SNTG2: variants seen among roughly 807,000 people sequenced by gnomAD.
SNTG2 encodes gamma-2-syntrophin.
A neutral mutation model predicts 70.9 loss-of-function variants in SNTG2; 74 were observed. That is an observed-to-expected ratio of 1.04 (90% CI 0.86 to 1.27). The LOEUF (loss-of-function observed/expected upper bound fraction) is 1.27, where lower values mean the gene tolerates loss of function less well. Among genes scored for constraint, SNTG2 ranks in the 50% most tolerant of loss-of-function variants. The pLI, the probability that SNTG2 is intolerant of heterozygous loss-of-function variation, is 0.00. For synonymous variants in SNTG2, 278 were observed against 273.8 expected, an observed-to-expected ratio of 1.02 and a Z score of -0.15; for missense variants, 717 against 690.7, an observed-to-expected ratio of 1.04 and a Z score of -0.43.
At chr2:1,220,755 G>A (rs974636030) in intron 9 of SNTG2, among the ~76,000 whole-genome samples, 3 of 152,226 alleles carry the variant, frequency 2.0e-5, no homozygotes, top group South Asian at 2.1e-4. Flanking sequence ...CAGGGGCCAC[G>A]TGTTTAAGAT....
intron 14 of SNTG2, among the ~76,000 whole-genome samples, chr2:1,290,672 C>T (rs553784141): frequency 2.0e-5 from 3 of 152,126 alleles, no homozygotes; most frequent in African/African-American, 7.2e-5. Flanking sequence ...CACAAGACAG[C>T]ACTAGGAGGA....
At position 1,221,473 on chromosome 2, in the gene SNTG2, GTCTCTCTCTC is replaced by G. The variant is rs1332003324; in HGVS notation, c.719+12249_719+12258del. Among the ~76,000 whole-genome samples the G allele has an allele frequency of 1.8e-3, 16 of 8,652 alleles. 4 individuals carry two copies. The highest frequency in any genetic ancestry group is 6.5e-3 in the South Asian group (1 of 154). The allele number at this position is 8,652 out of a possible 152,430, so 5.7% of individuals were successfully genotyped here. A position where few individuals can be genotyped will look rare whatever the true frequency, so the allele number is the denominator to read the frequency against. ...TGTCTCTCTCTGTCTCTGTCTCTCT[GTCTCTCTCTC>G]TCTCTGTCTCTCTCTGTCTCTCTCT... On this transcript the variant is annotated intron_variant, in intron 9 of 16. Transcript: ENST00000308624.
intron 4 of SNTG2, among the ~76,000 whole-genome samples, chr2:1,115,620 T>C (rs944627696): frequency 6.6e-6 from 1 of 151,784 alleles, no homozygotes; most frequent in Non-Finnish European, 1.5e-5. Flanking sequence ...GAATCGTATG[T>C]ACTAAGTGAG....
At chr2:1,031,528 A>ATATATATATATATTTTTTTT in intron 1 of SNTG2, among the ~76,000 whole-genome samples, 4 of 59,116 alleles carry the variant, frequency 6.8e-5, no homozygotes, top group African/African-American at 2.5e-4. Flanking sequence ...ATATATATAT[A>ATATATATATATATTTTTTTT]TTTTTTTTTT....
chr2:1,235,154 G>A (rs1429113476), intron 9 of SNTG2, among the ~76,000 whole-genome samples: 4 of 134,566 alleles, frequency 3.0e-5, no homozygotes, highest in South Asian at 2.6e-4. Flanking sequence ...AGGCACCCCC[G>A]ATTCATGAGA....
chr2:1,361,714 G>A (rs202233915), intron 16 of SNTG2, among the ~76,000 whole-genome samples: 69 of 27,282 alleles, frequency 2.5e-3, no homozygotes, highest in South Asian at 0.016. Flanking sequence ...CTTCTGTGAA[G>A]GTCACCGATG....
At chr2:1,320,794 A>G (rs1190266646) in intron 16 of SNTG2, among the ~76,000 whole-genome samples, 1 of 152,190 alleles carries the variant, frequency 6.6e-6, no homozygotes, top group African/African-American at 2.4e-5. Flanking sequence ...GTCAGATTAT[A>G]GAGACATAGC....
chr2:1,044,719 C>T (rs1305115965), intron 1 of SNTG2, among the ~76,000 whole-genome samples: 3 of 152,158 alleles, frequency 2.0e-5, no homozygotes, highest in Admixed American at 2.0e-4. Context: ...TTGAACCAAC[C>T]TTGCATCCCA....
intron 1 of SNTG2, among the ~76,000 whole-genome samples, chr2:1,057,128 G>A (rs910229753): frequency 4.6e-5 from 7 of 152,046 alleles, no homozygotes; most frequent in Non-Finnish European, 8.8e-5. Flanking sequence ...GCAAGCAGCT[G>A]GCCTATTTCT....
chr2:1,305,249 T>TA (rs1349495760), intron 14 of SNTG2, among the ~76,000 whole-genome samples: 1 of 152,224 alleles, frequency 6.6e-6, no homozygotes, highest in Non-Finnish European at 1.5e-5. Context: ...CTCAACATCT[T>TA]AGAGAATTCC....
intron 1 of SNTG2, among the ~76,000 whole-genome samples, chr2:973,540 A>T (rs537498107): frequency 8.7e-4 from 117 of 133,872 alleles, no homozygotes; most frequent in East Asian, 2.0e-3. Context: ...ATATATATAT[A>T]TTTTTTTTTA....
At chr2:979,318 G>T (rs553797982) in intron 1 of SNTG2, among the ~76,000 whole-genome samples, 1 of 152,206 alleles carries the variant, frequency 6.6e-6, no homozygotes, top group Non-Finnish European at 1.5e-5. Flanking sequence ...GTGCTCTGCC[G>T]TGCTGGTGCA....
intron 7 of SNTG2, among the ~76,000 whole-genome samples, chr2:1,165,944 T>C (rs181759235): frequency 1.3e-5 from 2 of 152,292 alleles, no homozygotes; most frequent in African/African-American, 2.4e-5. Context: ...TATGTTAACG[T>C]AGAAGCAAAG....
intron 8 of SNTG2, among the ~76,000 whole-genome samples, chr2:1,184,347 T>A (rs1672116121): frequency 7.8e-6 from 1 of 128,130 alleles, no homozygotes; most frequent in Non-Finnish European, 1.6e-5. Context: ...CATAGATGAG[T>A]GAGCAAAAAA....
rs1235082361 is a variant in SNTG2 at position 1,031,509 on chromosome 2, TA to T, written c.73-52008del. The stretch of plus-strand genomic sequence containing the variant: ...GCTATTTGTATATATAGTTCATTGT[TA>T]TATATATATATATATATATTTTTTT... On this transcript the variant is annotated intron_variant, in intron 1 of 16. Transcript: ENST00000308624. Among the ~76,000 whole-genome samples the T allele has an allele frequency of 1.9e-4, 9 of 47,242 alleles. 1 individual carries two copies. Among genetic ancestry groups the T allele is most frequent in the African/African-American group, 7.8e-4 (5 of 6,414 alleles). The allele number at this position is 47,242 out of a possible 152,430, so 31.0% of individuals were successfully genotyped here. A position where few individuals can be genotyped will look rare whatever the true frequency, so the allele number is the denominator to read the frequency against.
intron 1 of SNTG2, among the ~76,000 whole-genome samples, chr2:965,251 AATCCTCCTCCT>A (rs1312148146): frequency 2.8e-3 from 387 of 140,400 alleles, no homozygotes; most frequent in African/African-American, 1.0e-2. Context: ...CTTGGACCCC[AATCCTCCTCCT>A]GGTCCCCAGT....
chr2:1,040,150 C>T (rs542421911), intron 1 of SNTG2, among the ~76,000 whole-genome samples: 1 of 152,316 alleles, frequency 6.6e-6, no homozygotes, highest in Non-Finnish European at 1.5e-5. Flanking sequence ...ACGCCTGCAT[C>T]ATTCTCTTAC....
Position 1,071,074 on chromosome 2 carries a change from G to A in SNTG2, c.73-12444G>A, listed in dbSNP as rs570586404. Among the ~76,000 whole-genome samples the A allele has an allele frequency of 2.2e-4, 33 of 152,288 alleles. No individual in the cohort carries two copies. The East Asian group carries it at 3.5e-3, about 16-fold the overall frequency. On this transcript the variant is annotated intron_variant, in intron 1 of 16. Coordinates refer to ENST00000308624, the MANE Select transcript of SNTG2 (RefSeq NM_018968.4). Reference sequence around the variant, plus strand: ...CTGGTGCAGAGGACACAGAAGCCTCGGGTAGTTTTAAGTGTTTAAGTGAAA... The same window carrying A: ...CTGGTGCAGAGGACACAGAAGCCTCAGGTAGTTTTAAGTGTTTAAGTGAAA...
In SNTG2 at chr2:1,230,053, G is replaced by A. The variant is rs528760654; in HGVS notation, c.720-7835G>A. 3.0e-3 allele frequency among the ~76,000 whole-genome samples: 459 copies of A among 152,338 alleles called. 3 individuals are homozygous for A. The highest frequency in any genetic ancestry group is 0.015 in the South Asian group (70 of 4,820). On this transcript the variant is annotated intron_variant, in intron 9 of 16. Transcript: ENST00000308624. The stretch of plus-strand genomic sequence containing the variant: ...CAGAGAGGGGCTCCCACAGTGCAGC[G>A]GTGGGCTGAAGGGCTCCTCAAGTGC...
Sources: allele counts gnomAD v4.1 joint callset (sites outside exome capture counted in the v4.1 genomes callset), GRCh38; gene constraint gnomAD v4.1.1; transcripts MANE v1.5; gene names NCBI Gene and HGNC (gene_info 2026-07-23, HGNC 2026-07-21).